The following ASRGL1 variants were observed in gnomAD, a reference collection of about 807,000 sequenced individuals.
ASRGL1 encodes the protein asparaginase and isoaspartyl peptidase 1.
ASRGL1 carries 16 observed loss-of-function variants against 22.4 expected under a neutral mutation model. The ratio of observed to expected loss-of-function variants is 0.71; its 90% CI spans 0.48 to 1.08. The LOEUF is 1.08. ASRGL1 is among the 50% of genes least tolerant of loss of function. The pLI is 0.00. For synonymous variants in ASRGL1, 165 were observed against 159.3 expected (o/e 1.04, Z -0.27); for missense variants, 412 against 410.1 (o/e 1.00, Z -0.04).
At chr11:62,372,689 G>T in intron 4 of ASRGL1, 1 of 1,237,006 alleles carries the variant, frequency 8.1e-7, no homozygotes, top group South Asian at 1.2e-5. Context: ...GCTATGGCTG[G>T]CTGGGCTACA....
At position 62,391,648 on chromosome 11, in the gene ASRGL1, G is replaced by A. The variant is rs762998068; in HGVS notation, c.721+16G>A. ...ATAGAACAAGGTACACAGACCACAG[G>A]ACAAGTAAAATAATTTGTGAAGATA... On this transcript the variant is annotated intron_variant, in intron 6 of 6. Transcript: ENST00000415229. 3 of 1,589,540 alleles carry A rather than the reference G, an allele frequency of 1.9e-6. No individual in the cohort carries two copies. The highest frequency in any genetic ancestry group is 2.6e-6 in the Non-Finnish European group (3 of 1,167,536).
chr11:62,386,035 GCCTGTAGT>G (rs1461306537), intron 4 of ASRGL1, among the ~76,000 whole-genome samples: 1 of 151,904 alleles, frequency 6.6e-6, no homozygotes, highest in Non-Finnish European at 1.5e-5. Flanking sequence ...GGTGACACAC[GCCTGTAGT>G]CCCAGGTACT....
At chr11:62,360,978 CA>C (rs1344652619) in intron 4 of ASRGL1, among the ~76,000 whole-genome samples, 1 of 151,924 alleles carries the variant, frequency 6.6e-6, no homozygotes, top group African/African-American at 2.4e-5. Flanking sequence ...ACAGTGTGTG[CA>C]AAAAACAATG....
chr11:62,362,622 TTATATAAAATA>T (rs1409989991), intron 4 of ASRGL1, among the ~76,000 whole-genome samples: 1 of 75,968 alleles, frequency 1.3e-5, no homozygotes, highest in Non-Finnish European at 2.3e-5. Context: ...ATATTATATA[TTATATAAAATA>T]TATATAATAT....
At chr11:62,379,988 T>A (rs1209037566) in intron 4 of ASRGL1, among the ~76,000 whole-genome samples, 8 of 152,158 alleles carry the variant, frequency 5.3e-5, no homozygotes, top group Non-Finnish European at 8.8e-5. Flanking sequence ...CTGTTGTTGT[T>A]GTAGTAGCTT....
downstream of ASRGL1, among the ~76,000 whole-genome samples, chr11:62,395,775 T>TTC (rs1947426465): frequency 7.5e-6 from 1 of 132,898 alleles, no homozygotes; most frequent in Non-Finnish European, 1.6e-5. Context: ...TTTTTTTTTT[T>TTC]TTTTTTTTTT....
At chr11:62,380,583 T>G (rs944674209) in intron 4 of ASRGL1, among the ~76,000 whole-genome samples, 1 of 152,162 alleles carries the variant, frequency 6.6e-6, no homozygotes, top group Non-Finnish European at 1.5e-5. Flanking sequence ...AGACCTGTTC[T>G]TGTGCCCCAT....
intron 4 of ASRGL1, among the ~76,000 whole-genome samples, chr11:62,368,246 G>C (rs1306322028): frequency 6.6e-6 from 1 of 152,158 alleles, no homozygotes; most frequent in Non-Finnish European, 1.5e-5. Context: ...TGTACATACA[G>C]TATAGGCGAA....
chr11:62,384,230 C>T (rs139932887), intron 4 of ASRGL1, among the ~76,000 whole-genome samples: 5 of 151,998 alleles, frequency 3.3e-5, no homozygotes, highest in Admixed American at 3.3e-4. Context: ...AAAGTCCGGG[C>T]GCAGTGGCTC....
intron 4 of ASRGL1, among the ~76,000 whole-genome samples, chr11:62,378,614 G>A (rs575004432): frequency 6.6e-6 from 1 of 152,288 alleles, no homozygotes; most frequent in South Asian, 2.1e-4. Flanking sequence ...GGCAACCCGG[G>A]TTGGAGAGGC....
downstream of ASRGL1, among the ~76,000 whole-genome samples, chr11:62,397,613 A>C (rs1234253060): frequency 6.6e-6 from 1 of 151,392 alleles, no homozygotes; most frequent in Non-Finnish European, 1.5e-5. Flanking sequence ...GTGGTGAGCC[A>C]AGATCACGCC....
intron 4 of ASRGL1, among the ~76,000 whole-genome samples, chr11:62,364,384 G>A (rs1028221834): frequency 6.6e-6 from 1 of 152,038 alleles, no homozygotes; most frequent in African/African-American, 2.4e-5. Flanking sequence ...TCAACTTTCA[G>A]TCATGTGAAA....
chr11:62,392,239 C>T lies in ASRGL1; in HGVS notation c.882C>T (p.His294=). ...CAGCCGCCAAGGACGGCAAGCTGCA[C>T]TTCGGAATTGATCCTGACGATACTA... The part of the protein sequence containing the change: ...PWAAAKDGKL[H]FGIDPDDTTI... The change falls in exon 7 of 7, where the codon CAC becomes CAT. Residue 294 remains histidine, a synonymous_variant. Transcript: ENST00000415229. 2 of 1,614,212 alleles carry T rather than the reference C, an allele frequency of 1.2e-6. No homozygotes were observed. Among genetic ancestry groups the T allele is most frequent in the Non-Finnish European group, 1.7e-6 (2 of 1,180,048 alleles).
At chr11:62,346,990 T>G (rs568674909) in intron 2 of ASRGL1, among the ~76,000 whole-genome samples, 13 of 149,728 alleles carry the variant, frequency 8.7e-5, no homozygotes, top group East Asian at 6.0e-4. Context: ...AAAAGAAAAA[T>G]AACGTCTGAC....
chr11:62,396,382 G>A (rs1024029634), downstream of ASRGL1, among the ~76,000 whole-genome samples: 2 of 152,148 alleles, frequency 1.3e-5, no homozygotes, highest in African/African-American at 4.8e-5. Flanking sequence ...CTGAGCCACA[G>A]CCGTCCATAG....
At chr11:62,397,499 T>C (rs922885079), downstream of ASRGL1, among the ~76,000 whole-genome samples, 6 of 151,910 alleles carry the variant, frequency 3.9e-5, no homozygotes, top group African/African-American at 1.5e-4. Context: ...ACCCCGTCTC[T>C]ACTAAAAATA....
intron 2 of ASRGL1, among the ~76,000 whole-genome samples, chr11:62,346,735 C>T (rs1239144656): frequency 1.3e-5 from 2 of 152,038 alleles, no homozygotes; most frequent in African/African-American, 4.8e-5. Flanking sequence ...TTTGGGAGGC[C>T]GAGGCAGGCA....
At chr11:62,381,836 A>G (rs72472161) in intron 4 of ASRGL1, 13,713 of 152,702 alleles carry the variant, frequency 0.09, 776 homozygotes, top group East Asian at 0.15. Context: ...GACTGACTGT[A>G]GACGTACTCG....
chr11:62,367,177 A>T (rs1414901973), intron 4 of ASRGL1, among the ~76,000 whole-genome samples: 2 of 151,896 alleles, frequency 1.3e-5, no homozygotes. Context: ...TCTCTACTAA[A>T]AATGCAAAAA....
Sources: allele counts gnomAD v4.1 joint callset (sites outside exome capture counted in the v4.1 genomes callset), GRCh38; gene constraint gnomAD v4.1.1; transcripts MANE v1.5; gene names NCBI Gene and HGNC (gene_info 2026-07-23, HGNC 2026-07-21).